Variants in DLC1 observed in about 807,000 individuals in gnomAD.
DLC1 encodes rho GTPase-activating protein 7.
Under a neutral mutation model 140.3 loss-of-function variants are expected in DLC1, and 54 were observed. The ratio of observed to expected loss-of-function variants is 0.38; its 90% CI spans 0.31 to 0.48. The LOEUF is 0.48. Ranked by LOEUF, DLC1 falls within the 20% of genes least tolerant of loss-of-function variation. DLC1 has a pLI of 0.96. For synonymous variants in DLC1, 986 were observed against 728.1 expected (o/e 1.35, Z -5.70); for missense variants, 2,536 against 1,907.0 (o/e 1.33, Z -6.14).
rs189243281 is a variant in DLC1, at chr8:13,390,380, G to A, written c.1314+3173C>T. ...TCCAGTCTATCATTGATGGGCATTC[G>A]GGTTGGTTCCATGTCTTTGCTACTG... On this transcript the variant is annotated intron_variant, in intron 4 of 17. Coordinates refer to ENST00000276297, the MANE Select transcript of DLC1 (RefSeq NM_182643.3). Among the ~76,000 whole-genome samples, 13 of 152,188 alleles carry A rather than the reference G, an allele frequency of 8.5e-5. No homozygotes were observed. In the East Asian group the frequency reaches 9.7e-4, roughly 11 times the overall value.
At chr8:13,116,141 CT>C (rs1185829036) in intron 5 of DLC1, 1 of 986,824 alleles carries the variant, frequency 1.0e-6, no homozygotes, top group Non-Finnish European at 1.2e-6. Context: ...TCAAAAGCCC[CT>C]GACCTTGTGT....
intron 4 of DLC1, among the ~76,000 whole-genome samples, chr8:13,348,858 T>G (rs1434390723): frequency 6.6e-6 from 1 of 152,184 alleles, no homozygotes; most frequent in Non-Finnish European, 1.5e-5. Flanking sequence ...AGAGCTGTAT[T>G]CTCAACCTTC....
intron 5 of DLC1, among the ~76,000 whole-genome samples, chr8:13,291,457 A>G (rs1417587248): frequency 3.3e-5 from 5 of 152,280 alleles, no homozygotes; most frequent in Non-Finnish European, 7.4e-5. Context: ...AGATGAACAA[A>G]ATAAAACTCT....
chr8:13,403,472 A>G (rs762430892), intron 2 of DLC1, among the ~76,000 whole-genome samples: 3 of 152,314 alleles, frequency 2.0e-5, no homozygotes, highest in South Asian at 2.1e-4. Context: ...GCTTCATTAT[A>G]TAATTTCTTT....
Position 13,113,930 on chromosome 8 carries a change from G to A in DLC1, c.1420+1656C>T, listed in dbSNP as rs879146363. Among the ~76,000 whole-genome samples the A allele has an allele frequency of 3.9e-5, 6 of 152,216 alleles. 1 individual carries two copies. In the South Asian group the frequency reaches 8.3e-4, roughly 21 times the overall value. On this transcript the variant is annotated intron_variant, in intron 6 of 17. Transcript: ENST00000276297. ...CAGTCTAGGCTACATAAGGAAGACCGGGTATTCTAACTTGGGAATCACTTT... is the reference window on the plus strand; with the variant it reads ...CAGTCTAGGCTACATAAGGAAGACCAGGTATTCTAACTTGGGAATCACTTT...
At chr8:13,221,265 C>A (rs1665989316) in intron 5 of DLC1, among the ~76,000 whole-genome samples, 2 of 152,104 alleles carry the variant, frequency 1.3e-5, no homozygotes, top group African/African-American at 4.8e-5. Context: ...CAAATAGAGA[C>A]ATCTAGATTG....
intron 5 of DLC1, among the ~76,000 whole-genome samples, chr8:13,166,644 T>C (rs1041990314): frequency 6.6e-6 from 1 of 152,256 alleles, no homozygotes; most frequent in Non-Finnish European, 1.5e-5. Context: ...GATTTCTCTT[T>C]AAGCCATCTT....
chr8:13,136,263 A>G (rs1397441589), intron 5 of DLC1, among the ~76,000 whole-genome samples: 1 of 152,146 alleles, frequency 6.6e-6, no homozygotes, highest in East Asian at 1.9e-4. Context: ...GGTTTGGGGT[A>G]CGATTGGTTC....
At chr8:13,482,157 A>G (rs1267350063) in intron 2 of DLC1, among the ~76,000 whole-genome samples, 1 of 152,028 alleles carries the variant, frequency 6.6e-6, no homozygotes, top group Non-Finnish European at 1.5e-5. Context: ...TGAATACAGC[A>G]GTCAAAGAAT....
chr8:13,095,066 C>A lies in DLC1; in HGVS notation c.3327+20G>T. The A allele has an allele frequency of 6.2e-7, 1 of 1,614,002 alleles. No individual in the cohort carries two copies. The highest frequency in any genetic ancestry group is 1.6e-4 in the Middle Eastern group (1 of 6,062). On this transcript the variant is annotated intron_variant, in intron 11 of 17. Transcript: ENST00000276297. ...ATCCGAGCTCCCCTGAGTACGTGGA[C>A]CCGCAGGCAGCGCTCTCACCTGATC...
At chr8:13,403,338 G>C (rs1293054909) in intron 2 of DLC1, among the ~76,000 whole-genome samples, 2 of 152,168 alleles carry the variant, frequency 1.3e-5, no homozygotes, top group Non-Finnish European at 2.9e-5. Context: ...TACATTCAAA[G>C]AAGTGTTATT....
intron 2 of DLC1, among the ~76,000 whole-genome samples, chr8:13,469,054 C>T (rs531734556): frequency 3.2e-4 from 49 of 151,712 alleles, no homozygotes; most frequent in Non-Finnish European, 6.2e-4. Context: ...CGCCTGACCT[C>T]GTGATCTGCC....
intron 1 of DLC1, among the ~76,000 whole-genome samples, chr8:13,556,716 C>T (rs1804058808): frequency 6.6e-6 from 1 of 152,190 alleles, no homozygotes; most frequent in African/African-American, 2.4e-5. Context: ...TGGTCAATTG[C>T]TTTAAGGACC....
chr8:13,204,012 G>A (rs561046389), intron 5 of DLC1, among the ~76,000 whole-genome samples: 1 of 152,250 alleles, frequency 6.6e-6, no homozygotes, highest in South Asian at 2.1e-4. Context: ...TGTGTTTTGT[G>A]TCAACAGAAT....
intron 5 of DLC1, among the ~76,000 whole-genome samples, chr8:13,180,069 G>A (rs1262072505): frequency 6.6e-6 from 1 of 152,142 alleles, no homozygotes; most frequent in African/African-American, 2.4e-5. Context: ...ATCGTATGTA[G>A]TATTAGCAAT....
intron 4 of DLC1, among the ~76,000 whole-genome samples, chr8:13,337,572 C>A (rs775596173): frequency 1.3e-5 from 2 of 152,108 alleles, no homozygotes; most frequent in Non-Finnish European, 1.5e-5. Flanking sequence ...CCTATCCACA[C>A]TGCTCAATTT....
intron 5 of DLC1, among the ~76,000 whole-genome samples, chr8:13,194,931 G>A (rs1826962157): frequency 6.6e-6 from 1 of 152,148 alleles, no homozygotes; most frequent in Non-Finnish European, 1.5e-5. Flanking sequence ...GATGGATTGT[G>A]CCCAGGAGTT....
chr8:13,330,596 G>A (rs574658753), intron 4 of DLC1, among the ~76,000 whole-genome samples: 5 of 152,128 alleles, frequency 3.3e-5, no homozygotes, highest in Non-Finnish European at 5.9e-5. Flanking sequence ...CTTCCTCTAC[G>A]TCTTCTTTGC....
intron 13 of DLC1, 144 bp downstream of exon 13, chr8:13,092,468 T>A: frequency 1.2e-6 from 1 of 851,766 alleles, no homozygotes; most frequent in South Asian, 1.8e-5. Flanking sequence ...TATGTCTTTA[T>A]TAGCGGTGTG....
Sources: gnomAD v4.1 joint callset for allele counts (sites outside exome capture counted in the v4.1 genomes callset) on GRCh38, gnomAD v4.1.1 for gene constraint, MANE v1.5 for transcripts, NCBI Gene and HGNC (gene_info 2026-07-23, HGNC 2026-07-21) for gene names.